The following PGBD2 variants were observed in gnomAD, a reference collection of about 807,000 sequenced individuals.
PGBD2 encodes piggyBac transposable element-derived protein 2.
PGBD2 carries 6 observed loss-of-function variants against 8.1 expected under a neutral mutation model. That is an observed-to-expected ratio of 0.74 (90% CI 0.40 to 1.46). PGBD2 has a LOEUF of 1.46. PGBD2 is among the 40% of genes most tolerant of loss of function. The pLI is 0.02. For missense variants in PGBD2, 802 were observed against 739.0 expected (o/e 1.09, Z -0.99); for synonymous variants, 318 against 272.2 (o/e 1.17, Z -1.66).
At chr1:248,889,568 T>G in the PGBD2 span, among the ~76,000 whole-genome samples, 58 of 152,268 alleles carry the variant, frequency 3.8e-4, no homozygotes, top group African/African-American at 1.2e-3. Flanking sequence ...TTCATGCATT[T>G]CAAGGAAATC....
chr1:248,924,963 G>A, the PGBD2 span, among the ~76,000 whole-genome samples: 51 of 152,154 alleles, frequency 3.4e-4, no homozygotes, highest in African/African-American at 1.1e-3. Context: ...AGTGAAAGAT[G>A]TAAAAAATAC....
the PGBD2 span, among the ~76,000 whole-genome samples, chr1:248,876,549 G>A: frequency 6.6e-6 from 1 of 152,210 alleles, no homozygotes; most frequent in Non-Finnish European, 1.5e-5. Context: ...GATGTCTCTA[G>A]CTATAAATAT....
At chr1:248,894,449 G>A in the PGBD2 span, among the ~76,000 whole-genome samples, 2 of 152,212 alleles carry the variant, frequency 1.3e-5, no homozygotes, top group East Asian at 3.9e-4. Flanking sequence ...TGTGTATGGT[G>A]TAAGACAAGA....
At chr1:248,876,712 T>A in the PGBD2 span, among the ~76,000 whole-genome samples, 2 of 152,342 alleles carry the variant, frequency 1.3e-5, no homozygotes, top group Admixed American at 6.5e-5. Flanking sequence ...CCGTATTTAT[T>A]TTAGTTCCTA....
At chr1:248,915,515 G>A (rs1188402321) in intron 2 of PGBD2, among the ~76,000 whole-genome samples, 3 of 152,218 alleles carry the variant, frequency 2.0e-5, no homozygotes, top group Non-Finnish European at 4.4e-5. Context: ...GGTAGGCTAG[G>A]CTACACTACG....
At chr1:248,924,658 A>G (rs1662349256), downstream of PGBD2, among the ~76,000 whole-genome samples, 1 of 152,254 alleles carries the variant, frequency 6.6e-6, no homozygotes, top group African/African-American at 2.4e-5. Context: ...AATTAAGTTA[A>G]AACATTAGAT....
the PGBD2 span, among the ~76,000 whole-genome samples, chr1:248,895,642 G>C: frequency 1.3e-5 from 2 of 151,924 alleles, no homozygotes; most frequent in African/African-American, 4.8e-5. Flanking sequence ...GGTGCACTAA[G>C]ATTTTGGTAC....
chr1:248,894,699 C>T, the PGBD2 span, among the ~76,000 whole-genome samples: 1,209 of 135,682 alleles, frequency 8.9e-3, 21 homozygotes, highest in African/African-American at 0.04. Flanking sequence ...CCCTCCCTCC[C>T]TCCTTTCTTT....
In PGBD2 at chr1:248,917,274, T is replaced by C; in HGVS notation, c.690T>C (p.Phe230=). The part of the protein sequence containing the change: ...RFELIFSYLH[F]ADNNELDASD... ...AACTAATCTTCTCATACTTACATTT[T>C]GCAGATAACAACGAACTTGATGCAA... The change falls in exon 3 of 3, where the codon TTT becomes TTC. Residue 230 remains phenylalanine (F), a synonymous_variant. Transcript: ENST00000329291. 6.2e-7 allele frequency: 1 copy of C among 1,614,202 alleles called. No individual in the cohort carries two copies. The highest frequency in any genetic ancestry group is 1.1e-5 in the South Asian group (1 of 91,088).
the PGBD2 span, among the ~76,000 whole-genome samples, chr1:248,927,547 G>T: frequency 2.6e-5 from 4 of 152,174 alleles, no homozygotes; most frequent in Non-Finnish European, 4.4e-5. Context: ...CAATGACTCA[G>T]CTCTTCCATT....
At chr1:248,921,252 TC>T (rs1662280690), downstream of PGBD2, among the ~76,000 whole-genome samples, 1 of 152,222 alleles carries the variant, frequency 6.6e-6, no homozygotes, top group African/African-American at 2.4e-5. Flanking sequence ...CAGGGTTTCT[TC>T]TAGGATTTTT....
At chr1:248,910,262 A>G (rs1362324789) in intron 1 of PGBD2, among the ~76,000 whole-genome samples, 1 of 152,268 alleles carries the variant, frequency 6.6e-6, no homozygotes, top group Non-Finnish European at 1.5e-5. Flanking sequence ...AGGTCAGTCC[A>G]GGTTTTGCTG....
upstream of PGBD2, among the ~76,000 whole-genome samples, chr1:248,902,280 A>C (rs1022385629): frequency 3.3e-5 from 5 of 152,190 alleles, no homozygotes; most frequent in East Asian, 1.9e-4. Flanking sequence ...AAAAAAAAAA[A>C]AAACCTATAA....
chr1:248,920,987 T>G (rs1054515928), downstream of PGBD2, among the ~76,000 whole-genome samples: 15 of 119,076 alleles, frequency 1.3e-4, no homozygotes, highest in African/African-American at 6.5e-4. Context: ...TTTTTGATGG[T>G]TTTTTTTTTT....
upstream of PGBD2, among the ~76,000 whole-genome samples, chr1:248,905,006 A>G (rs1661595029): frequency 6.6e-6 from 1 of 152,188 alleles, no homozygotes; most frequent in African/African-American, 2.4e-5. Flanking sequence ...TAACACTTGA[A>G]TGAATGAATG....
chr1:248,877,917 C>T, the PGBD2 span, among the ~76,000 whole-genome samples: 1 of 152,182 alleles, frequency 6.6e-6, no homozygotes, highest in Non-Finnish European at 1.5e-5. Flanking sequence ...GTACACTTTC[C>T]ATTAATTTTA....
chr1:248,900,051 A>C, the PGBD2 span, among the ~76,000 whole-genome samples: 1 of 150,672 alleles, frequency 6.6e-6, no homozygotes, highest in Admixed American at 6.6e-5. Flanking sequence ...GTCCCTGAAT[A>C]GACCAATAAT....
chr1:248,892,877 TGA>T, the PGBD2 span, among the ~76,000 whole-genome samples: 1 of 152,214 alleles, frequency 6.6e-6, no homozygotes, highest in Non-Finnish European at 1.5e-5. Flanking sequence ...GACTCACCTC[TGA>T]GAGAAACTCT....
the PGBD2 span, among the ~76,000 whole-genome samples, chr1:248,883,193 G>C: frequency 6.6e-6 from 1 of 151,922 alleles, no homozygotes; most frequent in East Asian, 1.9e-4. Flanking sequence ...GCGGGATCTC[G>C]GCTCACCACA....
Sources: allele counts gnomAD v4.1 joint callset (sites outside exome capture counted in the v4.1 genomes callset), GRCh38; gene constraint gnomAD v4.1.1; transcripts MANE v1.5; gene names NCBI Gene and HGNC (gene_info 2026-07-23, HGNC 2026-07-21).